The following FGF12 variants were observed in gnomAD, a reference collection of about 807,000 sequenced individuals.
The protein encoded by FGF12 is fibroblast growth factor 12.
FGF12 carries 14 observed loss-of-function variants against 23.6 expected under a neutral mutation model. The ratio of observed to expected loss-of-function variants is 0.59; its 90% CI spans 0.39 to 0.93. The LOEUF is 0.93. Ranked by LOEUF, FGF12 falls within the 40% of genes least tolerant of loss-of-function variation. The probability of loss-of-function intolerance (pLI) is 0.00; values close to 1 mark genes in which losing one functional copy is unlikely to be tolerated. For missense variants in FGF12, 175 were observed against 217.8 expected (o/e 0.80, Z 1.24); for synonymous variants, 62 against 77.3 (o/e 0.80, Z 1.04).
At chr3:192,371,730 T>A (rs898543159) in intron 2 of FGF12, among the ~76,000 whole-genome samples, 1 of 117,890 alleles carries the variant, frequency 8.5e-6, no homozygotes, top group African/African-American at 4.5e-5. Context: ...AGGCAGGTAC[T>A]ATCATTGGGC....
chr3:192,305,261 A>C (rs1215998819), intron 4 of FGF12, among the ~76,000 whole-genome samples: 1 of 152,140 alleles, frequency 6.6e-6, no homozygotes, highest in East Asian at 1.9e-4. Flanking sequence ...CCTTAGGATG[A>C]CTGATGCTAC....
At chr3:192,702,169 T>C (rs1159953498) in intron 2 of FGF12, among the ~76,000 whole-genome samples, 1 of 152,240 alleles carries the variant, frequency 6.6e-6, no homozygotes, top group African/African-American at 2.4e-5. Context: ...GATCTCCAAG[T>C]TCATCCATGT....
chr3:192,297,053 A>C (rs1018233753), intron 4 of FGF12, among the ~76,000 whole-genome samples: 4 of 152,304 alleles, frequency 2.6e-5, no homozygotes, highest in Non-Finnish European at 4.4e-5. Context: ...TTGGCACAAC[A>C]TGGTTATTGC....
intron 2 of FGF12, among the ~76,000 whole-genome samples, chr3:192,719,802 A>AAAAAGAAAAAAAAAAAAAAAAAAAAC (rs1553849219): frequency 7.2e-6 from 1 of 138,960 alleles, no homozygotes; most frequent in African/African-American, 2.7e-5. Flanking sequence ...AAAAAAAAAA[A>AAAAAGAAAAAAAAAAAAAAAAAAAAC]AAGAAAAACA....
intron 4 of FGF12, among the ~76,000 whole-genome samples, chr3:192,262,049 A>G (rs1712790478): frequency 6.6e-6 from 1 of 152,292 alleles, no homozygotes; most frequent in Admixed American, 6.5e-5. Flanking sequence ...AGGTGTGCCA[A>G]GAGAAAGGGA....
At chr3:192,352,289 T>G (rs1011248981) in intron 3 of FGF12, among the ~76,000 whole-genome samples, 3 of 152,178 alleles carry the variant, frequency 2.0e-5, no homozygotes, top group African/African-American at 7.2e-5. Flanking sequence ...TGTGAGCACT[T>G]CAAATCCTGG....
chr3:192,658,548 G>A (rs1716532181), intron 2 of FGF12, among the ~76,000 whole-genome samples: 1 of 152,094 alleles, frequency 6.6e-6, no homozygotes, highest in South Asian at 2.1e-4. Flanking sequence ...CAAAGTTTTA[G>A]GGTGCATTAG....
intron 2 of FGF12, among the ~76,000 whole-genome samples, chr3:192,619,938 G>A (rs1261039871): frequency 6.6e-6 from 1 of 152,060 alleles, no homozygotes; most frequent in Non-Finnish European, 1.5e-5. Context: ...CTTAACCCTT[G>A]GGGACAGGTA....
intron 5 of FGF12, among the ~76,000 whole-genome samples, chr3:192,157,446 C>T (rs1714487792): frequency 6.6e-6 from 1 of 152,104 alleles, no homozygotes; most frequent in Non-Finnish European, 1.5e-5. Flanking sequence ...TATCACTGAG[C>T]TTTGAAGTAT....
At position 192,337,818 on chromosome 3, in the gene FGF12, A is replaced by G. The variant is rs182924559; in HGVS notation, c.125-2354T>C. On this transcript the variant is annotated intron_variant, in intron 3 of 5. Coordinates refer to ENST00000445105, the MANE Select transcript of FGF12 (RefSeq NM_004113.6). ...CTTCTGTTTGTCAGATAAAGTTACC[A>G]TAAGACTATTGTAAAAACTGACATA... 4.2e-3 allele frequency among the ~76,000 whole-genome samples: 634 copies of G among 152,294 alleles called. 7 individuals carry two copies. The highest frequency in any genetic ancestry group is 0.014 in the African/African-American group (583 of 41,568).
At chr3:192,355,987 T>C (rs1441594270) in intron 3 of FGF12, among the ~76,000 whole-genome samples, 2 of 152,238 alleles carry the variant, frequency 1.3e-5, no homozygotes, top group Admixed American at 1.3e-4. Context: ...CAAGTCTTCT[T>C]GGGAGTGTCA....
At chr3:192,320,949 T>A (rs1014957071) in intron 4 of FGF12, among the ~76,000 whole-genome samples, 2 of 151,176 alleles carry the variant, frequency 1.3e-5, no homozygotes, top group African/African-American at 4.9e-5. Flanking sequence ...AGAAAATAAA[T>A]AATAAAGACC....
chr3:192,358,134 T>C (rs977346345), intron 3 of FGF12, among the ~76,000 whole-genome samples: 1 of 152,060 alleles, frequency 6.6e-6, no homozygotes, highest in Non-Finnish European at 1.5e-5. Flanking sequence ...AACAATATTA[T>C]GAATTAAAAT....
Position 192,510,020 on chromosome 3 carries a change from G to A in FGF12, c.14-149482C>T, listed in dbSNP as rs534709937. Among the ~76,000 whole-genome samples the A allele has an allele frequency of 4.5e-4, 68 of 152,104 alleles. 1 individual carries two copies. The South Asian group carries it at 8.4e-3, about 19-fold the overall frequency. ...ATGTCTATCATAGGTCATACGGCGG[G>A]GCTCTTCATCACAGATACTCAGGTA... is the stretch of plus-strand genomic sequence containing the variant. On this transcript the variant is annotated intron_variant, in intron 2 of 5. Transcript: ENST00000445105.
chr3:192,644,742 T>A (rs1715938126), intron 2 of FGF12, among the ~76,000 whole-genome samples: 1 of 152,148 alleles, frequency 6.6e-6, no homozygotes, highest in Non-Finnish European at 1.5e-5. Flanking sequence ...TCTGCCATCA[T>A]CTGAAGCCTA....
chr3:192,157,481 T>G (rs1263453424), intron 5 of FGF12, among the ~76,000 whole-genome samples: 3 of 152,066 alleles, frequency 2.0e-5, no homozygotes, highest in Non-Finnish European at 4.4e-5. Flanking sequence ...CATTTTCTCT[T>G]TGTAGGATTA....
rs1713387191 is a variant in FGF12 at position 192,141,573 on chromosome 3, G to A, written c.*2436C>T. ...TACGGAGAAAAACAATATACAAATT[G>A]TGTGGTTAGAATTTTTTCTTAACTG... is the stretch of plus-strand genomic sequence containing the variant. On this transcript the variant is annotated 3_prime_UTR_variant, in exon 6 of 6. Transcript: ENST00000445105. 1 of 151,972 alleles carries A rather than the reference G, an allele frequency of 6.6e-6. No individual in the cohort carries two copies. Among genetic ancestry groups the A allele is most frequent in the South Asian group, 2.1e-4 (1 of 4,828 alleles). The allele number at this position is 151,972 out of a possible 1,614,324, so 9.4% of individuals were successfully genotyped here.
intron 2 of FGF12, among the ~76,000 whole-genome samples, chr3:192,711,112 A>G (rs1000912600): frequency 3.3e-5 from 5 of 152,258 alleles, no homozygotes; most frequent in Admixed American, 1.3e-4. Context: ...ACCAAATATA[A>G]AAATATCTTC....
At chr3:192,624,661 A>G (rs1715099131) in intron 2 of FGF12, among the ~76,000 whole-genome samples, 1 of 152,198 alleles carries the variant, frequency 6.6e-6, no homozygotes, top group Admixed American at 6.5e-5. Flanking sequence ...AAAGGACTAT[A>G]TTAGGAAAAA....
Sources: gnomAD v4.1 joint callset for allele counts (sites outside exome capture counted in the v4.1 genomes callset) on GRCh38, gnomAD v4.1.1 for gene constraint, MANE v1.5 for transcripts, NCBI Gene and HGNC (gene_info 2026-07-23, HGNC 2026-07-21) for gene names.